C10orf67: variants seen among roughly 807,000 people sequenced by gnomAD.
C10orf67 encodes the protein chromosome 10 open reading frame 67.
A neutral mutation model predicts 35.6 loss-of-function variants in C10orf67; 60 were observed. That is an observed-to-expected ratio of 1.68 (90% CI 1.37 to 2.09). The LOEUF (loss-of-function observed/expected upper bound fraction) is 2.09, where lower values mean the gene tolerates loss of function less well. Ranked by LOEUF, C10orf67 falls within the 30% of genes most tolerant of loss-of-function variation. The pLI is 0.00. For missense variants in C10orf67, 474 were observed against 330.2 expected, an observed-to-expected ratio of 1.44 and a Z score of -3.38; for synonymous variants, 167 against 115.8, an observed-to-expected ratio of 1.44 and a Z score of -2.84.
intron 1 of C10orf67, among the ~76,000 whole-genome samples, chr10:23,338,487 T>C (rs1032013489): frequency 2.0e-5 from 3 of 152,186 alleles, no homozygotes; most frequent in East Asian, 1.9e-4. Context: ...ATTTTGGATA[T>C]GGATTTGCAT....
At chr10:23,289,211 T>C (rs987927769) in intron 7 of C10orf67, among the ~76,000 whole-genome samples, 1 of 152,180 alleles carries the variant, frequency 6.6e-6, no homozygotes, top group Admixed American at 6.5e-5. Flanking sequence ...TTGTCTAGGC[T>C]GAAGTGCAGT....
At chr10:23,242,951 A>T (rs576408987) in intron 12 of C10orf67, among the ~76,000 whole-genome samples, 1 of 152,172 alleles carries the variant, frequency 6.6e-6, no homozygotes, top group Non-Finnish European at 1.5e-5. Flanking sequence ...AAACTGACAG[A>T]TTAGGTTAGA....
At chr10:23,309,208 C>T (rs1010615279) in intron 4 of C10orf67, among the ~76,000 whole-genome samples, 5 of 152,006 alleles carry the variant, frequency 3.3e-5, no homozygotes, top group Non-Finnish European at 7.4e-5. Flanking sequence ...ACTATGCAGC[C>T]ATTAAAAAGA....
intron 8 of C10orf67, among the ~76,000 whole-genome samples, chr10:23,280,099 C>G (rs1843327330): frequency 6.6e-6 from 1 of 152,158 alleles, no homozygotes; most frequent in African/African-American, 2.4e-5. Flanking sequence ...AAGTGATCCT[C>G]CCATCTCAGT....
intron 12 of C10orf67, among the ~76,000 whole-genome samples, chr10:23,248,928 T>A (rs1473233636): frequency 6.6e-6 from 1 of 150,978 alleles, no homozygotes; most frequent in African/African-American, 2.4e-5. Context: ...TAATAGAAAA[T>A]CAATTAGAAG....
chr10:23,322,576 G>A (rs946926712), intron 2 of C10orf67, 39 bp from the exon 3 acceptor site: 2 of 1,419,560 alleles, frequency 1.4e-6, no homozygotes, highest in Non-Finnish European at 1.9e-6. Flanking sequence ...AAGTAACACA[G>A]GAACAGAAAA....
rs1228924066 is a variant in C10orf67, at chr10:23,298,027, G to A, written c.702+5277C>T. On this transcript the variant is annotated intron_variant, in intron 5 of 15. Coordinates refer to ENST00000636213, the MANE Select transcript of C10orf67 (RefSeq NM_001371909.1). The stretch of plus-strand genomic sequence containing the variant: ...TCCTAGCACTTTGGGAAGCTGAGGT[G>A]GGCGGATCACAAGGTCAGGAGATCG... 2.0e-5 allele frequency among the ~76,000 whole-genome samples: 3 copies of A among 152,110 alleles called. No homozygotes were observed. In the East Asian group the frequency reaches 5.8e-4, roughly 29 times the overall value.
chr10:23,213,386 T>C (rs1841359591), intron 15 of C10orf67, among the ~76,000 whole-genome samples: 2 of 152,174 alleles, frequency 1.3e-5, no homozygotes, highest in African/African-American at 4.8e-5. Context: ...TATTGATAAA[T>C]ACATCATTGA....
intron 1 of C10orf67, among the ~76,000 whole-genome samples, chr10:23,338,995 T>C (rs1845787180): frequency 6.6e-6 from 1 of 152,202 alleles, no homozygotes; most frequent in South Asian, 2.1e-4. Flanking sequence ...TATGGTGCTA[T>C]CTCTCCTACA....
intron 5 of C10orf67, among the ~76,000 whole-genome samples, chr10:23,297,202 A>G (rs1843908127): frequency 6.8e-6 from 1 of 147,344 alleles, no homozygotes; most frequent in Non-Finnish European, 1.5e-5. Flanking sequence ...TTTGGCTTCA[A>G]TATCTTCTTG....
In C10orf67 at chr10:23,303,417, C is replaced by A; in HGVS notation, c.589G>T (p.Ala197Ser). The A allele has an allele frequency of 1.6e-6, 1 of 613,538 alleles. No individual in the cohort carries two copies. Among genetic ancestry groups the A allele is most frequent in the South Asian group, 2.3e-5 (1 of 44,080 alleles). The allele number at this position is 613,538 out of a possible 1,614,324, so 38.0% of individuals were successfully genotyped here. A position where few individuals can be genotyped will look rare whatever the true frequency, so the allele number is the denominator to read the frequency against. The part of the protein sequence containing the change: ...VEEENVSLQD[A>S]STVKTNILLR... ...AAAATATTTGTTTTGACAGTACTCG[C>A]ATCTTGCAAAGAAACATTCTCTTCT... The change falls in exon 5 of 16, where the codon GCG becomes TCG. Residue 197 changes from alanine (A) to serine (S), a missense_variant. Physicochemically the swap from Ala to Ser is moderately conservative, Grantham distance 99. Transcript: ENST00000636213.
Position 23,303,309 on chromosome 10 carries a change from T to C in C10orf67, c.697A>G (p.Lys233Glu). ...TTCCTTGCCTTGAAACTTACCATTT[T>C]GTGAAATCCAAAATCTTTATATTGG... ...LDQYKDFGFHKMESFAKETSS... is the reference protein window; with the variant it reads ...LDQYKDFGFHEMESFAKETSS... The change falls in exon 5 of 16, where the codon AAA becomes GAA. Residue 233 changes from lysine (K) to glutamate (E), a missense_variant. By Grantham distance (56) the Lys-to-Glu change is moderately conservative (BLOSUM62 1). Coordinates refer to ENST00000636213, the MANE Select transcript of C10orf67 (RefSeq NM_001371909.1). 1.8e-6 allele frequency: 1 copy of C among 552,576 alleles called. No individual in the cohort carries two copies. Among genetic ancestry groups the C allele is most frequent in the Non-Finnish European group, 3.3e-6 (1 of 307,160 alleles). 34.2% of individuals were successfully genotyped at this position (552,576 alleles called of 1,614,324 possible).
In C10orf67 at chr10:23,309,771, A is replaced by G. The variant is rs1289412400; in HGVS notation, c.547-6312T>C. Among the ~76,000 whole-genome samples the G allele has an allele frequency of 3.9e-5, 6 of 152,248 alleles. No homozygotes were observed. In the Middle Eastern group the frequency reaches 0.01, roughly 259 times the overall value. ...GCCTGCCTTCTGGATGGGCTCGGCC[A>G]CTCTGGACTTCAGGACAGGGAGGGC... On this transcript the variant is annotated intron_variant, in intron 4 of 15. Coordinates refer to ENST00000636213, the MANE Select transcript of C10orf67 (RefSeq NM_001371909.1).
rs574325447 is a variant in C10orf67, at chr10:23,315,854, C to T, written c.546+4887G>A. Among the ~76,000 whole-genome samples, 13 of 151,830 alleles carry T rather than the reference C, an allele frequency of 8.6e-5. No homozygotes were observed. The South Asian group carries it at 1.9e-3, about 22-fold the overall frequency. Reference sequence around the variant, plus strand: ...TTCTTTTAGAGACAGGGTCATGCTCCGTCACTCAGGCTGGAGTATAGCAGC... The same window carrying T: ...TTCTTTTAGAGACAGGGTCATGCTCTGTCACTCAGGCTGGAGTATAGCAGC... On this transcript the variant is annotated intron_variant, in intron 4 of 15. Transcript: ENST00000636213.
intron 5 of C10orf67, among the ~76,000 whole-genome samples, chr10:23,301,754 G>A (rs181054238): frequency 1.9e-3 from 295 of 152,310 alleles, no homozygotes; most frequent in African/African-American, 6.9e-3. Context: ...TGGCCTCATG[G>A]ATTCCAAGGA....
chr10:23,250,439 A>G lies in C10orf67; in HGVS notation c.1346+16T>C. ...TCATGTTTTTAGAAATAGAATTTGTATATTTCACACCATACCTGTTCCTGA... is the reference window on the plus strand; with the variant it reads ...TCATGTTTTTAGAAATAGAATTTGTGTATTTCACACCATACCTGTTCCTGA... On this transcript the variant is annotated intron_variant, in intron 12 of 15. Transcript: ENST00000636213. 1 of 398,502 alleles carries G rather than the reference A, an allele frequency of 2.5e-6. No homozygotes were observed. The highest frequency in any genetic ancestry group is 4.4e-6 in the Non-Finnish European group (1 of 225,776). 24.7% of individuals were successfully genotyped at this position (398,502 alleles called of 1,614,324 possible).
intron 15 of C10orf67, among the ~76,000 whole-genome samples, chr10:23,222,084 A>G (rs1841597515): frequency 1.3e-5 from 2 of 152,174 alleles, no homozygotes; most frequent in Non-Finnish European, 1.5e-5. Context: ...ATTTATATTC[A>G]ATTTTATTAG....
At chr10:23,219,348 CT>C (rs2132099624) in intron 15 of C10orf67, among the ~76,000 whole-genome samples, 2 of 152,270 alleles carry the variant, frequency 1.3e-5, no homozygotes, top group South Asian at 4.1e-4. Flanking sequence ...AGATTCGTGT[CT>C]TTTGGGCTCA....
At chr10:23,308,481 T>C (rs1017813393) in intron 4 of C10orf67, among the ~76,000 whole-genome samples, 7 of 152,156 alleles carry the variant, frequency 4.6e-5, no homozygotes, top group Non-Finnish European at 7.3e-5. Context: ...CTCATGCCAG[T>C]CTTCTCTCCT....
Sources: gnomAD v4.1 joint callset for allele counts (sites outside exome capture counted in the v4.1 genomes callset) on GRCh38, gnomAD v4.1.1 for gene constraint, MANE v1.5 for transcripts, NCBI Gene and HGNC (gene_info 2026-07-23, HGNC 2026-07-21) for gene names.